AGBL1: variants seen among roughly 807,000 people sequenced by gnomAD.
The protein encoded by AGBL1 is cytosolic carboxypeptidase 4.
A neutral mutation model predicts 118.9 loss-of-function variants in AGBL1; 130 were observed. That is an observed-to-expected ratio of 1.09 (90% confidence interval 0.95 to 1.26). The LOEUF (loss-of-function observed/expected upper bound fraction) is 1.26, where lower values mean the gene tolerates loss of function less well. Ranked by LOEUF, AGBL1 falls within the 50% of genes most tolerant of loss-of-function variation. AGBL1 has a pLI of 0.00. For missense variants in AGBL1, 1,584 were observed against 1,298.1 expected, an observed-to-expected ratio of 1.22 and a Z score of -3.38; for synonymous variants, 555 against 478.9, an observed-to-expected ratio of 1.16 and a Z score of -2.08.
intron 5 of AGBL1, among the ~76,000 whole-genome samples, chr15:86,174,151 C>G (rs1256021888): frequency 6.6e-6 from 1 of 151,946 alleles, no homozygotes; most frequent in Non-Finnish European, 1.5e-5. Flanking sequence ...AGTTTTCCTT[C>G]TAGAGGTCTT....
chr15:86,810,339 G>C (rs2078770863), intron 22 of AGBL1, among the ~76,000 whole-genome samples: 1 of 152,058 alleles, frequency 6.6e-6, no homozygotes. Flanking sequence ...TTTCTTGCCT[G>C]TCTGCAACAC....
At chr15:86,578,879 G>A (rs781748779) in intron 21 of AGBL1, among the ~76,000 whole-genome samples, 10 of 152,088 alleles carry the variant, frequency 6.6e-5, no homozygotes, top group Admixed American at 5.9e-4. Flanking sequence ...GCTCAGTCTC[G>A]GGTATGTCTT....
At chr15:86,776,518 T>G (rs1354103737) in intron 22 of AGBL1, among the ~76,000 whole-genome samples, 1 of 150,428 alleles carries the variant, frequency 6.6e-6, no homozygotes, top group African/African-American at 2.4e-5. Flanking sequence ...TGTTCTTTTT[T>G]TTCTTATTGA....
intron 17 of AGBL1, chr15:86,304,873 A>T (rs1427921814): frequency 6.6e-6 from 1 of 152,142 alleles, no homozygotes; most frequent in Non-Finnish European, 1.5e-5. Flanking sequence ...AAGGTAGGGG[A>T]ATAGCCCTCT....
intron 6 of AGBL1, among the ~76,000 whole-genome samples, chr15:86,244,018 TTAAAA>T (rs1432597883): frequency 6.7e-6 from 1 of 149,770 alleles, no homozygotes; most frequent in Non-Finnish European, 1.5e-5. Flanking sequence ...AGACTCTGTC[TTAAAA>T]TAAATAGATA....
Position 86,804,882 on chromosome 15 carries a change from C to T in AGBL1, c.3159-102205C>T, listed in dbSNP as rs78125802. 9.7e-3 allele frequency among the ~76,000 whole-genome samples: 1,479 copies of T among 152,166 alleles called. 62 individuals carry two copies. In the South Asian group the frequency reaches 0.11, roughly 11 times the overall value. Reference sequence around the variant, plus strand: ...CACTTTCCACAAAGAAAAGAAGCATCGGTGGCCAGAAACCATGGAATATAA... The same window carrying T: ...CACTTTCCACAAAGAAAAGAAGCATTGGTGGCCAGAAACCATGGAATATAA... On this transcript the variant is annotated intron_variant, in intron 22 of 22. Transcript: ENST00000614907.
chr15:86,460,811 C>A (rs2142084878), intron 18 of AGBL1, among the ~76,000 whole-genome samples: 1 of 152,290 alleles, frequency 6.6e-6, no homozygotes, highest in South Asian at 2.1e-4. Context: ...GACACTTGAC[C>A]TCATACATCC....
At chr15:86,807,913 G>T (rs1596500792) in intron 22 of AGBL1, among the ~76,000 whole-genome samples, 1 of 152,088 alleles carries the variant, frequency 6.6e-6, no homozygotes, top group South Asian at 2.1e-4. Context: ...CCTCCAGTTA[G>T]AGGCATCAGA....
chr15:86,430,386 T>A (rs12912707), intron 18 of AGBL1, among the ~76,000 whole-genome samples: 11,244 of 151,124 alleles, frequency 0.074, 542 homozygotes, highest in African/African-American at 0.13. Flanking sequence ...TACCAGCTAC[T>A]CAGGAGGCTG....
chr15:86,507,561 G>C (rs1371230296), intron 18 of AGBL1, among the ~76,000 whole-genome samples: 1 of 152,130 alleles, frequency 6.6e-6, no homozygotes, highest in African/African-American at 2.4e-5. Flanking sequence ...ATGATGGATA[G>C]TGTTAATTGT....
At chr15:86,754,184 A>G (rs1036710178) in intron 22 of AGBL1, among the ~76,000 whole-genome samples, 6 of 152,234 alleles carry the variant, frequency 3.9e-5, no homozygotes, top group Middle Eastern at 6.8e-3. Flanking sequence ...TTATCAACAA[A>G]TTTAAGGGAA....
chr15:86,779,343 A>G (rs2078299907), intron 22 of AGBL1, among the ~76,000 whole-genome samples: 1 of 152,198 alleles, frequency 6.6e-6, no homozygotes, highest in African/African-American at 2.4e-5. Flanking sequence ...ACTTTGTTTT[A>G]TTCATAAGCT....
intron 1 of AGBL1, among the ~76,000 whole-genome samples, chr15:86,080,945 G>GGC (rs1238457800): frequency 3.9e-5 from 6 of 151,980 alleles, no homozygotes; most frequent in Non-Finnish European, 7.4e-5. Flanking sequence ...GGGCGGGGGG[G>GGC]GGTCCATGAC....
intron 1 of AGBL1, 107 bp from the exon 2 acceptor site, chr15:86,141,897 C>A: frequency 8.7e-7 from 1 of 1,152,516 alleles, no homozygotes; most frequent in Non-Finnish European, 1.2e-6. Flanking sequence ...TGTAGTTAAT[C>A]TTTCTCCATG....
intron 16 of AGBL1, among the ~76,000 whole-genome samples, chr15:86,285,038 T>A (rs2079419730): frequency 6.6e-6 from 1 of 151,840 alleles, no homozygotes; most frequent in African/African-American, 2.4e-5. Flanking sequence ...CATTCAGAGG[T>A]CCTACTTTTC....
At chr15:86,985,159 A>C (rs538959961) in intron 23 of AGBL1, among the ~76,000 whole-genome samples, 1 of 152,270 alleles carries the variant, frequency 6.6e-6, no homozygotes, top group East Asian at 1.9e-4. Flanking sequence ...AATTTGGATT[A>C]TATCTGGTTT....
At chr15:86,927,216 A>C (rs746160761) in intron 23 of AGBL1, among the ~76,000 whole-genome samples, 1 of 152,170 alleles carries the variant, frequency 6.6e-6, no homozygotes, top group Non-Finnish European at 1.5e-5. Context: ...GCTTAGTATA[A>C]TTGTAAAATG....
chr15:86,535,555 A>G (rs936933673), intron 19 of AGBL1, among the ~76,000 whole-genome samples: 4 of 152,206 alleles, frequency 2.6e-5, no homozygotes, highest in Admixed American at 6.5e-5. Flanking sequence ...GCATTTTGGT[A>G]AAGGGATTTC....
intron 18 of AGBL1, among the ~76,000 whole-genome samples, chr15:86,441,110 T>C (rs1298330962): frequency 6.6e-6 from 1 of 152,190 alleles, no homozygotes; most frequent in Non-Finnish European, 1.5e-5. Flanking sequence ...TTCTCAAATC[T>C]GGTAGGTGAA....
Sources: allele counts gnomAD v4.1 joint callset (sites outside exome capture counted in the v4.1 genomes callset), GRCh38; gene constraint gnomAD v4.1.1; transcripts MANE v1.5; gene names NCBI Gene and HGNC (gene_info 2026-07-23, HGNC 2026-07-21).